GNS: variants seen among roughly 807,000 people sequenced by gnomAD.
The protein encoded by GNS is N-acetylglucosamine-6-sulfatase.
GNS carries 40 observed loss-of-function variants against 69.7 expected under a neutral mutation model. That is an observed-to-expected ratio of 0.57 (90% CI 0.45 to 0.75). The LOEUF (loss-of-function observed/expected upper bound fraction) is 0.75. Among genes scored for constraint, GNS ranks in the 30% least tolerant of loss-of-function variants. The pLI is 0.00. For missense variants in GNS, 565 were observed against 685.5 expected (o/e 0.82, Z 1.96); for synonymous variants, 243 against 251.6 (o/e 0.97, Z 0.32).
chr12:64,759,041 T>C (rs1341605018), intron 1 of GNS, 44 bp downstream of exon 1: 1 of 1,463,294 alleles, frequency 6.8e-7, no homozygotes, highest in Non-Finnish European at 9.4e-7. Flanking sequence ...AACCGGGTAG[T>C]CAGCCCAAGA....
intron 10 of GNS, among the ~76,000 whole-genome samples, chr12:64,727,924 T>A (rs1869260010): frequency 6.6e-6 from 1 of 152,006 alleles, no homozygotes; most frequent in Non-Finnish European, 1.5e-5. Flanking sequence ...TAAAAAAAAA[T>A]GATTTATTTA....
chr12:64,740,659 C>T lies in GNS; in HGVS notation c.822G>A (p.Lys274=). Residue 274 remains lysine (K), a synonymous_variant, in exon 7 of 14, where the codon AAG becomes AAA. Coordinates refer to ENST00000258145, the MANE Select transcript of GNS (RefSeq NM_002076.4). Reference sequence around the variant, plus strand: ...GTATTGAAGAATTAGTCATTGGAGTCTTGGCTTGCCTAATTAACCAGTGCT... The same window carrying T: ...GTATTGAAGAATTAGTCATTGGAGTTTTGGCTTGCCTAATTAACCAGTGCT... ...TNKHWLIRQA[K]TPMTNSSIQF... is the part of the protein sequence containing the mutation. 1 of 1,585,830 alleles carries T rather than the reference C, an allele frequency of 6.3e-7. No homozygotes were observed. Among genetic ancestry groups the T allele is most frequent in the Non-Finnish European group, 8.7e-7 (1 of 1,154,484 alleles).
intron 6 of GNS, among the ~76,000 whole-genome samples, chr12:64,742,209 ATG>A (rs1869763668): frequency 4.6e-5 from 7 of 152,024 alleles, no homozygotes; most frequent in Non-Finnish European, 8.8e-5. Context: ...TTTAGTAGAG[ATG>A]GGGTTTCACT....
chr12:64,714,013 C>T lies in GNS; in HGVS notation c.*2728G>A, dbSNP rs1265132088. ...GTGGGGTGGCAGGCGCCTGTAATCTCAGCTACTTGGGAGGCTGAGGCAGGA... is the reference window on the plus strand; with the variant it reads ...GTGGGGTGGCAGGCGCCTGTAATCTTAGCTACTTGGGAGGCTGAGGCAGGA... On this transcript the variant is annotated 3_prime_UTR_variant, in exon 14 of 14. Transcript: ENST00000258145. 1 of 152,136 alleles carries T rather than the reference C, an allele frequency of 6.6e-6. No homozygotes were observed. Among genetic ancestry groups the T allele is most frequent in the East Asian group, 1.9e-4 (1 of 5,182 alleles). 9.4% of individuals were successfully genotyped at this position (152,136 alleles called of 1,614,324 possible).
intron 5 of GNS, 33 bp downstream of exon 5, chr12:64,744,776 T>C (rs760457764): frequency 6.3e-6 from 6 of 956,234 alleles, no homozygotes; most frequent in Non-Finnish European, 1.0e-5. Flanking sequence ...GCCAACCCTG[T>C]AAGGACAGAG....
At chr12:64,726,984 T>C (rs1869221620) in intron 10 of GNS, among the ~76,000 whole-genome samples, 2 of 150,042 alleles carry the variant, frequency 1.3e-5, no homozygotes, top group Non-Finnish European at 3.0e-5. Context: ...AAAGAAGCTA[T>C]ACAAATGGCT....
At position 64,716,682 on chromosome 12, in the gene GNS, C is replaced by T. The variant is rs182626038; in HGVS notation, c.*59G>A. On this transcript the variant is annotated 3_prime_UTR_variant, in exon 14 of 14. Transcript: ENST00000258145. ...GAAGACTAGCTACAGACACCTACTACAATCACTTCATCAGAAAGAGGCGTG... is the reference window on the plus strand; with the variant it reads ...GAAGACTAGCTACAGACACCTACTATAATCACTTCATCAGAAAGAGGCGTG... 117 of 1,075,496 alleles carry T rather than the reference C, an allele frequency of 1.1e-4. No individual in the cohort carries two copies. The African/African-American group carries it at 1.6e-3, about 14-fold the overall frequency. 66.6% of individuals were successfully genotyped at this position (1,075,496 alleles called of 1,614,324 possible).
chr12:64,747,589 G>T, intron 3 of GNS, 123 bp downstream of exon 3: 1 of 684,376 alleles, frequency 1.5e-6, no homozygotes, highest in Non-Finnish European at 2.6e-6. Flanking sequence ...TTAATGGGCA[G>T]ATTCACAGAA....
At chr12:64,732,488 TCTCA>T (rs1161290875) in intron 9 of GNS, among the ~76,000 whole-genome samples, 8 of 132,514 alleles carry the variant, frequency 6.0e-5, no homozygotes, top group Non-Finnish European at 1.1e-4. Flanking sequence ...TGAGATGGAG[TCTCA>T]CTCTGTTGCC....
At chr12:64,732,459 C>T (rs189409985) in intron 9 of GNS, among the ~76,000 whole-genome samples, 21 of 148,950 alleles carry the variant, frequency 1.4e-4, no homozygotes, top group African/African-American at 3.7e-4. Flanking sequence ...TGAACCACCG[C>T]GCCCAGCCTC....
intron 5 of GNS, among the ~76,000 whole-genome samples, chr12:64,744,589 G>T (rs1869842584): frequency 1.3e-5 from 2 of 152,250 alleles, no homozygotes; most frequent in South Asian, 2.1e-4. Flanking sequence ...TTTGTTGCTG[G>T]AATTTCAAGA....
At chr12:64,739,216 G>A (rs571958307) in intron 8 of GNS, among the ~76,000 whole-genome samples, 165 bp downstream of exon 8, 2 of 152,232 alleles carry the variant, frequency 1.3e-5, no homozygotes, top group African/African-American at 4.8e-5. Flanking sequence ...GTTTCTCCAC[G>A]TGGGTATGAT....
At chr12:64,757,239 T>TG in intron 1 of GNS, among the ~76,000 whole-genome samples, 1 of 152,246 alleles carries the variant, frequency 6.6e-6, no homozygotes, top group Middle Eastern at 3.4e-3. Flanking sequence ...AGACCTCAAA[T>TG]ACACACAGAC....
chr12:64,758,555 C>T (rs1017611547), intron 1 of GNS, among the ~76,000 whole-genome samples: 1 of 152,000 alleles, frequency 6.6e-6, no homozygotes, highest in Admixed American at 6.5e-5. Flanking sequence ...GATCTCTTGA[C>T]CTTCTGATCC....
At chr12:64,754,084 A>G (rs1349236976) in intron 1 of GNS, among the ~76,000 whole-genome samples, 1 of 152,270 alleles carries the variant, frequency 6.6e-6, no homozygotes, top group Non-Finnish European at 1.5e-5. Context: ...TAAAATTATG[A>G]AAGAATATCT....
intron 10 of GNS, among the ~76,000 whole-genome samples, chr12:64,728,250 T>C (rs1260449560): frequency 2.6e-5 from 4 of 152,184 alleles, no homozygotes; most frequent in Non-Finnish European, 4.4e-5. Flanking sequence ...GTGAATTGTA[T>C]GGTATGGGAA....
intron 8 of GNS, 132 bp from the exon 9 acceptor site, chr12:64,737,239 C>G: frequency 1.5e-6 from 1 of 688,088 alleles, no homozygotes; most frequent in East Asian, 2.7e-5. Context: ...TAATAGAAAG[C>G]TGAAATTTGC....
intron 1 of GNS, among the ~76,000 whole-genome samples, chr12:64,756,207 T>G (rs1044700444): frequency 1.3e-5 from 2 of 152,256 alleles, no homozygotes; most frequent in Non-Finnish European, 2.9e-5. Context: ...TAAATCATGT[T>G]GTAAATGCTA....
At position 64,759,143 on chromosome 12, in the gene GNS, CG is replaced by C; in HGVS notation, c.133del (p.Arg45GlyfsTer20). The part of the protein sequence containing the change: ...LGVFGVAAGT[R>X]RPNVVLLLTD... ...GAGGAGCAGCACCACGTTGGGCCTC[CG>C]GGTTCCCGCAGCCACCCCGAAGACC... On this transcript the variant is annotated frameshift_variant, in exon 1 of 14. Transcript: ENST00000258145. LOFTEE classifies it high-confidence loss of function. 1 of 1,558,692 alleles carries C rather than the reference CG, an allele frequency of 6.4e-7. No homozygotes were observed. The highest frequency in any genetic ancestry group is 8.7e-7 in the Non-Finnish European group (1 of 1,151,718).
Sources: allele counts gnomAD v4.1 joint callset (sites outside exome capture counted in the v4.1 genomes callset), GRCh38; gene constraint gnomAD v4.1.1; transcripts MANE v1.5; gene names NCBI Gene and HGNC (gene_info 2026-07-23, HGNC 2026-07-21).